XRRA1: variants seen among roughly 807,000 people sequenced by gnomAD.
XRRA1 encodes X-ray radiation resistance associated 1, also known as X-ray radiation resistance-associated protein 1.
Under a neutral mutation model 80.2 loss-of-function variants are expected in XRRA1, and 69 were observed. The observed-to-expected ratio is 0.86, with a 90% confidence interval of 0.71 to 1.05. The LOEUF (loss-of-function observed/expected upper bound fraction) is 1.05, where lower values mean the gene tolerates loss of function less well. XRRA1 is among the 50% of genes least tolerant of loss of function. The probability of loss-of-function intolerance (pLI) is 0.00; values close to 1 mark genes in which losing one functional copy is unlikely to be tolerated. For synonymous variants in XRRA1, 348 were observed against 389.9 expected, an observed-to-expected ratio of 0.89 and a Z score of 1.27; for missense variants, 967 against 976.4, an observed-to-expected ratio of 0.99 and a Z score of 0.13.
intron 15 of XRRA1, chr11:74,846,049 C>T (rs747026367): frequency 1.3e-5 from 2 of 152,072 alleles, no homozygotes; most frequent in Non-Finnish European, 2.9e-5. Context: ...AATATGGTGA[C>T]CTCCCAGGAG....
chr11:74,931,216 G>A (rs1407637216), intron 5 of XRRA1, among the ~76,000 whole-genome samples: 1 of 151,834 alleles, frequency 6.6e-6, no homozygotes, highest in Admixed American at 6.6e-5. Flanking sequence ...AATATTTTAG[G>A]TATCATTCTG....
chr11:74,898,232 C>G (rs1173313989), intron 10 of XRRA1, among the ~76,000 whole-genome samples: 1 of 151,918 alleles, frequency 6.6e-6, no homozygotes, highest in Non-Finnish European at 1.5e-5. Context: ...TATTTGCAAG[C>G]CTTATGGCAA....
chr11:74,882,533 G>C (rs1419953804), intron 10 of XRRA1, among the ~76,000 whole-genome samples: 7 of 151,976 alleles, frequency 4.6e-5, no homozygotes, highest in African/African-American at 7.3e-5. Context: ...CTCCATCCAG[G>C]TTTGTTCCGT....
intron 10 of XRRA1, among the ~76,000 whole-genome samples, chr11:74,897,607 A>G (rs1043227951): frequency 2.0e-5 from 3 of 151,934 alleles, no homozygotes; most frequent in African/African-American, 7.2e-5. Flanking sequence ...AGTAAGAGAT[A>G]AGAAACAACA....
At chr11:74,886,214 C>T (rs2048981707) in intron 10 of XRRA1, among the ~76,000 whole-genome samples, 1 of 152,138 alleles carries the variant, frequency 6.6e-6, no homozygotes, top group African/African-American at 2.4e-5. Flanking sequence ...CTAGCCAGAG[C>T]AATCAGGCAG....
At chr11:74,858,268 T>G (rs980603160) in intron 12 of XRRA1, among the ~76,000 whole-genome samples, 2 of 152,238 alleles carry the variant, frequency 1.3e-5, no homozygotes, top group African/African-American at 4.8e-5. Flanking sequence ...GGTCCACTGA[T>G]TTTCGGCAAG....
intron 10 of XRRA1, among the ~76,000 whole-genome samples, chr11:74,879,894 A>G (rs1358273514): frequency 2.0e-5 from 3 of 151,948 alleles, no homozygotes; most frequent in Non-Finnish European, 4.4e-5. Context: ...TTTTTGCATC[A>G]ATGTTCATCA....
intron 8 of XRRA1, among the ~76,000 whole-genome samples, chr11:74,918,606 C>T (rs750592644): frequency 1.3e-5 from 2 of 152,092 alleles, no homozygotes; most frequent in African/African-American, 4.8e-5. Flanking sequence ...ATTGGGGTTC[C>T]AAGGGTTGAA....
intron 3 of XRRA1, 94 bp downstream of exon 3, chr11:74,940,691 A>G: frequency 1.0e-6 from 1 of 987,756 alleles, no homozygotes; most frequent in Non-Finnish European, 1.6e-6. Context: ...AGGGAACAGT[A>G]GTGAAGGGGT....
chr11:74,939,849 G>GAGAGAGAGAGAGAGCGAGAGCA (rs1375869281), intron 3 of XRRA1, among the ~76,000 whole-genome samples: 5 of 151,818 alleles, frequency 3.3e-5, no homozygotes, highest in East Asian at 1.9e-4. Flanking sequence ...GACATAGAGA[G>GAGAGAGAGAGAGAGCGAGAGCA]AGAGAGAGAG....
Position 74,929,758 on chromosome 11 carries a change from G to A in XRRA1, c.424+542C>T, listed in dbSNP as rs916278802. Among the ~76,000 whole-genome samples, 4 of 152,232 alleles carry A rather than the reference G, an allele frequency of 2.6e-5. No individual in the cohort carries two copies. The South Asian group carries it at 6.2e-4, about 24-fold the overall frequency. On this transcript the variant is annotated intron_variant, in intron 6 of 18. Transcript: ENST00000684022. ...ACTCTGGCCTGGCTTGAAGTCCCAC[G>A]TATATGCTTGCATAGTATTTCCTGA...
At chr11:74,866,737 C>A in intron 10 of XRRA1, among the ~76,000 whole-genome samples, 1 of 148,660 alleles carries the variant, frequency 6.7e-6, no homozygotes, top group African/African-American at 2.5e-5. Context: ...GTATCAACAG[C>A]AGAATTAATC....
intron 1 of XRRA1, among the ~76,000 whole-genome samples, chr11:74,946,384 C>A (rs539720843): frequency 1.3e-5 from 2 of 152,136 alleles, no homozygotes; most frequent in Non-Finnish European, 2.9e-5. Flanking sequence ...AGGAGGTGGT[C>A]CCCCATGCTG....
intron 7 of XRRA1, among the ~76,000 whole-genome samples, chr11:74,923,978 T>C (rs1421238656): frequency 6.6e-6 from 1 of 151,950 alleles, no homozygotes; most frequent in East Asian, 1.9e-4. Context: ...CTCAGCCTCC[T>C]GTGGGTCCAC....
chr11:74,879,781 A>G (rs1299653386), intron 10 of XRRA1, among the ~76,000 whole-genome samples: 1 of 148,062 alleles, frequency 6.8e-6, no homozygotes, highest in Non-Finnish European at 1.5e-5. Flanking sequence ...TGATTTGCGT[A>G]TATTGAACCA....
chr11:74,940,689 G>A (rs1946151470), intron 3 of XRRA1, 96 bp downstream of exon 3: 1 of 981,866 alleles, frequency 1.0e-6, no homozygotes, highest in African/African-American at 1.6e-5. Context: ...GCAGGGAACA[G>A]TAGTGAAGGG....
chr11:74,933,609 T>C (rs757765710), intron 5 of XRRA1, 192 bp downstream of exon 5: 35 of 556,942 alleles, frequency 6.3e-5, no homozygotes, highest in African/African-American at 2.4e-4. Flanking sequence ...AATATAAAAT[T>C]TGTAGCAAAA....
chr11:74,884,740 G>A (rs1000598262), intron 10 of XRRA1, among the ~76,000 whole-genome samples: 2 of 152,112 alleles, frequency 1.3e-5, no homozygotes, highest in African/African-American at 4.8e-5. Context: ...AGACAACAGG[G>A]CTGCTTCAAT....
chr11:74,900,006 A>G (rs1175204662), intron 10 of XRRA1, among the ~76,000 whole-genome samples: 1 of 152,144 alleles, frequency 6.6e-6, no homozygotes, highest in Non-Finnish European at 1.5e-5. Context: ...TCTACTAAAA[A>G]TACAAAAAAT....
Sources: gnomAD v4.1 joint callset for allele counts (sites outside exome capture counted in the v4.1 genomes callset) on GRCh38, gnomAD v4.1.1 for gene constraint, MANE v1.5 for transcripts, NCBI Gene and HGNC (gene_info 2026-07-23, HGNC 2026-07-21) for gene names.